The following NFATC3 variants were observed in gnomAD, a reference collection of about 807,000 sequenced individuals.
NFATC3 encodes nuclear factor of activated T-cells, cytoplasmic 3.
NFATC3 carries 46 observed loss-of-function variants against 98.6 expected under a neutral mutation model. The observed-to-expected ratio is 0.47, with a 90% confidence interval of 0.37 to 0.60. The LOEUF (loss-of-function observed/expected upper bound fraction) is 0.60, where lower values mean the gene tolerates loss of function less well. Among genes scored for constraint, NFATC3 ranks in the 20% least tolerant of loss-of-function variants. The pLI, the probability that NFATC3 is intolerant of heterozygous loss-of-function variation, is 0.00. For missense variants in NFATC3, 1,256 were observed against 1,295.5 expected (o/e 0.97, Z 0.47); for synonymous variants, 512 against 472.2 (o/e 1.08, Z -1.09).
intron 8 of NFATC3, 147 bp from the exon 9 acceptor site, chr16:68,190,621 A>T (rs1284560230): frequency 4.3e-6 from 3 of 697,496 alleles, no homozygotes; most frequent in Non-Finnish European, 7.1e-6. Context: ...ACACACAGAC[A>T]TACACGATAT....
rs189880474 is a variant in NFATC3 at position 68,161,131 on chromosome 16, C to T, written c.1601+3063C>T. 2.6e-4 allele frequency among the ~76,000 whole-genome samples: 39 copies of T among 152,292 alleles called. No individual in the cohort carries two copies. The East Asian group carries it at 6.0e-3, about 23-fold the overall frequency. On this transcript the variant is annotated intron_variant, in intron 4 of 9. Transcript: ENST00000346183. ...CATTTTCAAATAAGGTTAACATGCC[C>T]AACCTCTGAATGAGAATACAAGTAG...
At chr16:68,161,039 A>G (rs898439198) in intron 4 of NFATC3, among the ~76,000 whole-genome samples, 2 of 152,156 alleles carry the variant, frequency 1.3e-5, no homozygotes, top group Non-Finnish European at 2.9e-5. Context: ...CTCAGCCTGT[A>G]TTTATTCAGA....
chr16:68,213,598 C>T (rs182515987), intron 9 of NFATC3, among the ~76,000 whole-genome samples: 26 of 152,158 alleles, frequency 1.7e-4, no homozygotes, highest in African/African-American at 2.9e-4. Context: ...GAGGCCTAGG[C>T]GGGCGGATAA....
At chr16:68,214,219 C>T in intron 9 of NFATC3, 1 of 705,842 alleles carries the variant, frequency 1.4e-6, no homozygotes. Flanking sequence ...AAGTAAAAGA[C>T]AGTTAAATTC....
intron 9 of NFATC3, among the ~76,000 whole-genome samples, chr16:68,218,432 G>A (rs2041717819): frequency 6.7e-6 from 1 of 148,840 alleles, no homozygotes; most frequent in Non-Finnish European, 1.5e-5. Flanking sequence ...GAAAAAATTG[G>A]CCAGGTTTGG....
chr16:68,121,643 A>G (rs1479150276), intron 1 of NFATC3, among the ~76,000 whole-genome samples: 1 of 150,268 alleles, frequency 6.7e-6, no homozygotes, highest in African/African-American at 2.5e-5. Flanking sequence ...ATTGCACTCC[A>G]GTCTAGGTGA....
At chr16:68,100,593 C>CA (rs900490902) in intron 1 of NFATC3, among the ~76,000 whole-genome samples, 100 of 141,780 alleles carry the variant, frequency 7.1e-4, no homozygotes, top group African/African-American at 8.5e-4. Flanking sequence ...ACAAAACAAA[C>CA]AAAAAAAAAA....
intron 3 of NFATC3, among the ~76,000 whole-genome samples, chr16:68,127,702 A>AT (rs1555515622): frequency 1.3e-5 from 2 of 151,730 alleles, no homozygotes; most frequent in Non-Finnish European, 2.9e-5. Flanking sequence ...AAAAAAAAAA[A>AT]GGAATTCCTA....
intron 1 of NFATC3, among the ~76,000 whole-genome samples, chr16:68,102,869 CTT>C (rs896704143): frequency 5.3e-5 from 8 of 152,014 alleles, no homozygotes; most frequent in African/African-American, 1.9e-4. Flanking sequence ...CTTGTTTTCT[CTT>C]TTTGTTTATT....
At chr16:68,147,153 G>A (rs2038078568) in intron 3 of NFATC3, among the ~76,000 whole-genome samples, 1 of 152,052 alleles carries the variant, frequency 6.6e-6, no homozygotes, top group African/African-American at 2.4e-5. Context: ...AAAAGCAAGT[G>A]GCTTATGACT....
At chr16:68,180,429 T>TAGTTGTACAAGCAAA (rs1458071742) in intron 6 of NFATC3, among the ~76,000 whole-genome samples, 1 of 152,178 alleles carries the variant, frequency 6.6e-6, no homozygotes, top group Non-Finnish European at 1.5e-5. Flanking sequence ...CCTGTCATTT[T>TAGTTGTACAAGCAAA]AGTTGTACAA....
chr16:68,107,408 T>C (rs186119449), intron 1 of NFATC3, among the ~76,000 whole-genome samples: 2 of 152,244 alleles, frequency 1.3e-5, no homozygotes, highest in Admixed American at 1.3e-4. Flanking sequence ...CCAACATCTG[T>C]TGTTTCTTGA....
At chr16:68,085,962 C>T (rs2034346862) in intron 1 of NFATC3, 178 bp downstream of exon 1, 3 of 471,476 alleles carry the variant, frequency 6.4e-6, no homozygotes, top group Admixed American at 4.5e-5. Context: ...GTGTGGGTCG[C>T]TGCGACGTGG....
In NFATC3 at chr16:68,093,299, T is replaced by C. The variant is rs529370580; in HGVS notation, c.103+7515T>C. ...CTAGATTCATTTCTGTTGCTAATTG[T>C]GTGATACTGCTAAAAAGCATAGAGT... On this transcript the variant is annotated intron_variant, in intron 1 of 9. Coordinates refer to ENST00000346183, the MANE Select transcript of NFATC3 (RefSeq NM_173165.3). Among the ~76,000 whole-genome samples, 3 of 150,918 alleles carry C rather than the reference T, an allele frequency of 2.0e-5. No homozygotes were observed. In the East Asian group the frequency reaches 5.9e-4, roughly 29 times the overall value.
chr16:68,201,428 T>G (rs2151135644), intron 9 of NFATC3, among the ~76,000 whole-genome samples: 1 of 151,052 alleles, frequency 6.6e-6, no homozygotes, highest in East Asian at 2.0e-4. Context: ...TTGTTTTTGT[T>G]TTTTTTATTG....
intron 9 of NFATC3, chr16:68,225,995 A>C (rs1233210181): frequency 1.2e-5 from 2 of 163,482 alleles, no homozygotes; most frequent in African/African-American, 4.8e-5. Flanking sequence ...ATTTATTTTC[A>C]TTCCATTTAC....
chr16:68,182,576 A>G (rs2039993344), intron 7 of NFATC3, among the ~76,000 whole-genome samples: 1 of 152,108 alleles, frequency 6.6e-6, no homozygotes, highest in Non-Finnish European at 1.5e-5. Flanking sequence ...GCTGGAGTGC[A>G]GTGGTGTAGT....
At chr16:68,211,579 A>G (rs1424910170) in intron 9 of NFATC3, among the ~76,000 whole-genome samples, 2 of 146,040 alleles carry the variant, frequency 1.4e-5, no homozygotes, top group African/African-American at 2.6e-5. Flanking sequence ...CTGGAGTGCA[A>G]TGGCATGATC....
intron 1 of NFATC3, among the ~76,000 whole-genome samples, chr16:68,087,429 A>G (rs1207111206): frequency 6.6e-6 from 1 of 152,226 alleles, no homozygotes; most frequent in Non-Finnish European, 1.5e-5. Flanking sequence ...AATAGGTCTA[A>G]AAGGAGTTAT....
Sources: gnomAD v4.1 joint callset for allele counts (sites outside exome capture counted in the v4.1 genomes callset) on GRCh38, gnomAD v4.1.1 for gene constraint, MANE v1.5 for transcripts, NCBI Gene and HGNC (gene_info 2026-07-23, HGNC 2026-07-21) for gene names.